The following NOX5 variants were observed in gnomAD, a reference collection of about 807,000 sequenced individuals.
NOX5 encodes the protein NADPH oxidase, EF-hand calcium binding domain 5.
Under a neutral mutation model 85.7 loss-of-function variants are expected in NOX5, and 76 were observed. The observed-to-expected ratio is 0.89, with a 90% confidence interval of 0.74 to 1.07. NOX5 has a LOEUF of 1.07. NOX5 is among the 50% of genes least tolerant of loss of function. The pLI, the probability that NOX5 is intolerant of heterozygous loss-of-function variation, is 0.00. For synonymous variants in NOX5, 405 were observed against 401.4 expected (o/e 1.01, Z -0.11); for missense variants, 973 against 999.5 (o/e 0.97, Z 0.36).
chr15:69,021,897 T>C (rs1289194277), intron 1 of NOX5, among the ~76,000 whole-genome samples: 4 of 152,330 alleles, frequency 2.6e-5, no homozygotes, highest in African/African-American at 9.6e-5. Context: ...TGCCATAATC[T>C]GCATATTTAA....
rs1369677732 is a variant in NOX5 at position 69,051,290 on chromosome 15, G to T, written c.1999+2232G>T. On this transcript the variant is annotated intron_variant, in intron 14 of 15. Coordinates refer to ENST00000388866, the MANE Select transcript of NOX5 (RefSeq NM_024505.4). ...CAGCAATGATAGTCCCGTGCCACCT[G>T]CTGATCAATGTCTGGAAACCATTGT... 2.0e-5 allele frequency among the ~76,000 whole-genome samples: 3 copies of T among 152,170 alleles called. No homozygotes were observed. In the East Asian group the frequency reaches 5.8e-4, roughly 29 times the overall value.
intron 7 of NOX5, among the ~76,000 whole-genome samples, chr15:69,036,255 G>A (rs1322140313): frequency 5.3e-5 from 8 of 152,174 alleles, no homozygotes; most frequent in Non-Finnish European, 1.0e-4. Context: ...CCACTCCACT[G>A]CTTACTGGTC....
intron 1 of NOX5, chr15:69,023,021 T>C (rs1021174301): frequency 3.1e-5 from 15 of 486,864 alleles, no homozygotes; most frequent in Non-Finnish European, 6.2e-5. Context: ...GAATGTTCCA[T>C]GGGCCTGCTT....
rs1461026755 is a variant in NOX5 at position 69,037,222 on chromosome 15, G to A, written c.1371+12G>A. ...TCCTCCCCTCCAAGGTACAAAGGTG[G>A]GGGATGGGGAGGTGCTTTTCCAACT... On this transcript the variant is annotated intron_variant, in intron 8 of 15. Transcript: ENST00000388866. 6.2e-7 allele frequency: 1 copy of A among 1,609,282 alleles called. No homozygotes were observed. Among genetic ancestry groups the A allele is most frequent in the Admixed American group, 1.7e-5 (1 of 59,510 alleles).
chr15:69,048,045 C>T (rs2050698158), intron 13 of NOX5, 134 bp downstream of exon 13: 1 of 720,774 alleles, frequency 1.4e-6, no homozygotes, highest in Admixed American at 2.6e-5. Context: ...CCCCACAATA[C>T]CCTGAATTCT....
chr15:69,046,952 G>T (rs1338093983), intron 11 of NOX5, 86 bp downstream of exon 11: 3 of 1,424,014 alleles, frequency 2.1e-6, no homozygotes, highest in Admixed American at 1.8e-5. Context: ...AGGGGCTGTT[G>T]TGGTTGTGGG....
At chr15:69,029,464 GCA>G (rs1236441659) in intron 3 of NOX5, 1 of 152,126 alleles carries the variant, frequency 6.6e-6, no homozygotes, top group African/African-American at 2.4e-5. Context: ...GAACATTGGT[GCA>G]CAGATATCTG....
intron 10 of NOX5, among the ~76,000 whole-genome samples, chr15:69,044,148 T>C (rs532981746): frequency 6.6e-6 from 1 of 151,400 alleles, no homozygotes; most frequent in Admixed American, 6.6e-5. Flanking sequence ...TACACCACTG[T>C]ACTCCAGCCT....
intron 4 of NOX5, 33 bp downstream of exon 4, chr15:69,031,845 A>G: frequency 1.3e-6 from 2 of 1,567,498 alleles, no homozygotes; most frequent in Non-Finnish European, 1.7e-6. Context: ...GGCACTGTCC[A>G]CGGCGGCGTT....
intron 6 of NOX5, 85 bp downstream of exon 6, chr15:69,035,592 T>G: frequency 1.3e-6 from 2 of 1,566,756 alleles, no homozygotes; most frequent in South Asian, 1.2e-5. Flanking sequence ...CTGTGTGTAC[T>G]GCCTGCCCAA....
chr15:69,018,409 T>C (rs911429768), intron 1 of NOX5, among the ~76,000 whole-genome samples: 25 of 152,196 alleles, frequency 1.6e-4, no homozygotes, highest in Admixed American at 9.2e-4. Context: ...TGATGAAAGC[T>C]TGGTCTCCAT....
At chr15:69,015,458 T>C (rs952768430) in intron 1 of NOX5, among the ~76,000 whole-genome samples, 2 of 152,122 alleles carry the variant, frequency 1.3e-5, no homozygotes, top group African/African-American at 4.8e-5. Context: ...TTTCCAGAAT[T>C]CTCTCTGCTT....
rs2050679158 is a variant in NOX5, at chr15:69,046,809, C to G, written c.1648-13C>G. 6.2e-7 allele frequency: 1 copy of G among 1,613,428 alleles called. No individual in the cohort carries two copies. The highest frequency in any genetic ancestry group is 8.5e-7 in the Non-Finnish European group (1 of 1,179,438). On this transcript the variant is annotated splice_polypyrimidine_tract_variant and intron_variant, in intron 10 of 15. Transcript: ENST00000388866. Reference sequence around the variant, plus strand: ...ATTCCAAGACCCATAACTCTCTGCTCTACTCCCTGCAGGGCTCTGAGATAC... The same window carrying G: ...ATTCCAAGACCCATAACTCTCTGCTGTACTCCCTGCAGGGCTCTGAGATAC...
chr15:69,047,561 C>T (rs566465060), intron 12 of NOX5, 24 bp downstream of exon 12: 24 of 1,606,714 alleles, frequency 1.5e-5, no homozygotes, highest in East Asian at 2.2e-5. Flanking sequence ...GTGCTCCTGC[C>T]TGCATCCTGG....
chr15:69,043,239 C>T (rs1382851139), intron 10 of NOX5, among the ~76,000 whole-genome samples: 2 of 152,176 alleles, frequency 1.3e-5, no homozygotes, highest in African/African-American at 4.8e-5. Context: ...AAATAGGCAG[C>T]CTGGTCCAGG....
chr15:69,044,031 A>G lies in NOX5; in HGVS notation c.1647+1226A>G, dbSNP rs542143391. Among the ~76,000 whole-genome samples, 7 of 152,258 alleles carry G rather than the reference A, an allele frequency of 4.6e-5. No homozygotes were observed. In the South Asian group the frequency reaches 1.5e-3, roughly 32 times the overall value. ...AAACCACGTCTCTACTAAAAACACA[A>G]AAATTAGCCAGGCGTGGTGGTGCGT... On this transcript the variant is annotated intron_variant, in intron 10 of 15. Transcript: ENST00000388866.
intron 3 of NOX5, 30 bp downstream of exon 3, chr15:69,028,395 G>T: frequency 1.3e-6 from 2 of 1,550,976 alleles, no homozygotes; most frequent in Non-Finnish European, 8.7e-7. Flanking sequence ...GTGGGCTGGG[G>T]TGGGGAGATC....
chr15:69,056,516 C>G, intron 15 of NOX5, 49 bp from the exon 16 acceptor site: 1 of 1,598,304 alleles, frequency 6.3e-7, no homozygotes, highest in Non-Finnish European at 8.5e-7. Context: ...GGTGAGTCAG[C>G]AGCTCCACCT....
intron 9 of NOX5, among the ~76,000 whole-genome samples, chr15:69,039,444 G>A (rs1024349260): frequency 6.6e-6 from 1 of 152,186 alleles, no homozygotes; most frequent in African/African-American, 2.4e-5. Context: ...GAGAAAAAGA[G>A]CATGAAAGGC....
Sources: allele counts gnomAD v4.1 joint callset (sites outside exome capture counted in the v4.1 genomes callset), GRCh38; gene constraint gnomAD v4.1.1; transcripts MANE v1.5; gene names NCBI Gene and HGNC (gene_info 2026-07-23, HGNC 2026-07-21).